Variants in NRXN3 observed in about 807,000 individuals in gnomAD.
The protein encoded by NRXN3 is neurexin III.
Under a neutral mutation model 137.6 loss-of-function variants are expected in NRXN3, and 32 were observed. The ratio of observed to expected loss-of-function variants is 0.23; its 90% CI spans 0.18 to 0.31. NRXN3 has a LOEUF of 0.31. Among genes scored for constraint, NRXN3 ranks in the 10% least tolerant of loss-of-function variants. The probability of loss-of-function intolerance (pLI) is 1.00; values close to 1 mark genes in which losing one functional copy is unlikely to be tolerated. For synonymous variants in NRXN3, 798 were observed against 784.5 expected (o/e 1.02, Z -0.29); for missense variants, 1,574 against 2,062.5 (o/e 0.76, Z 4.59).
Position 78,286,012 on chromosome 14 carries a change from C to T in NRXN3, c.727+7350C>T, listed in dbSNP as rs1567170014. Among the ~76,000 whole-genome samples the T allele has an allele frequency of 3.3e-5, 5 of 152,200 alleles. No homozygotes were observed. The South Asian group carries it at 1.0e-3, about 32-fold the overall frequency. On this transcript the variant is annotated intron_variant, in intron 3 of 20. Coordinates refer to ENST00000335750, the MANE Select transcript of NRXN3 (RefSeq NM_001330195.2). ...TCTCAACCTGCCTCCAGCTTTGGCT[C>T]ACTCAGGGATGCAGATCACTGGGCC... is the stretch of plus-strand genomic sequence containing the variant.
chr14:78,657,046 CAAAAAA>C (rs1174872709), intron 6 of NRXN3, among the ~76,000 whole-genome samples: 5 of 31,054 alleles, frequency 1.6e-4, no homozygotes, highest in African/African-American at 4.4e-4. Context: ...GACTCCGTCT[CAAAAAA>C]AAAAAAAAAA....
intron 17 of NRXN3, among the ~76,000 whole-genome samples, chr14:79,682,953 A>G (rs560809451): frequency 1.3e-5 from 2 of 152,270 alleles, no homozygotes; most frequent in Admixed American, 1.3e-4. Flanking sequence ...TTTCCTTCAG[A>G]CTATGATGAC....
At chr14:78,561,769 G>A (rs1275105456) in intron 4 of NRXN3, among the ~76,000 whole-genome samples, 1 of 152,188 alleles carries the variant, frequency 6.6e-6, no homozygotes, top group African/African-American at 2.4e-5. Context: ...TCTCATCAGT[G>A]TAGAGGCCAG....
intron 15 of NRXN3, among the ~76,000 whole-genome samples, chr14:79,367,134 C>G (rs1014094398): frequency 1.3e-5 from 2 of 152,042 alleles, no homozygotes; most frequent in African/African-American, 4.8e-5. Flanking sequence ...CAGGCGTCCA[C>G]CACCACGCCT....
At chr14:78,797,336 A>T (rs2098825071) in intron 8 of NRXN3, among the ~76,000 whole-genome samples, 1 of 152,226 alleles carries the variant, frequency 6.6e-6, no homozygotes, top group Admixed American at 6.5e-5. Flanking sequence ...GAGAATGCAA[A>T]TAAACAGGAA....
At chr14:79,551,231 T>C (rs1029027816) in intron 16 of NRXN3, among the ~76,000 whole-genome samples, 9 of 152,206 alleles carry the variant, frequency 5.9e-5, no homozygotes, top group Non-Finnish European at 8.8e-5. Flanking sequence ...TTCCTTTCTT[T>C]CCCTCTCATT....
At chr14:79,701,808 T>C (rs1274449118) in intron 19 of NRXN3, among the ~76,000 whole-genome samples, 1 of 152,036 alleles carries the variant, frequency 6.6e-6, no homozygotes, top group Non-Finnish European at 1.5e-5. Context: ...AAGGCTACCA[T>C]ATTATAAAGT....
chr14:78,252,655 G>A (rs2068821485), intron 2 of NRXN3, among the ~76,000 whole-genome samples: 1 of 152,158 alleles, frequency 6.6e-6, no homozygotes. Context: ...ACAGTCCTGT[G>A]GTTGATTGCT....
chr14:78,297,527 G>T (rs12588277), intron 3 of NRXN3, among the ~76,000 whole-genome samples: 1 of 151,944 alleles, frequency 6.6e-6, no homozygotes, highest in Non-Finnish European at 1.5e-5. Flanking sequence ...CTATTGCACA[G>T]AACAACGGTA....
At chr14:79,169,194 C>T (rs2061553634) in intron 15 of NRXN3, among the ~76,000 whole-genome samples, 1 of 152,020 alleles carries the variant, frequency 6.6e-6, no homozygotes, top group African/African-American at 2.4e-5. Flanking sequence ...GATTTTCTGC[C>T]TTTCACAGCC....
chr14:78,284,297 C>T (rs979559909), intron 3 of NRXN3, among the ~76,000 whole-genome samples: 11 of 152,154 alleles, frequency 7.2e-5, no homozygotes, highest in African/African-American at 1.2e-4. Context: ...CTTTCTGTGA[C>T]GTGGAAGCCC....
At chr14:79,109,103 T>C (rs946857537) in intron 15 of NRXN3, among the ~76,000 whole-genome samples, 1 of 152,182 alleles carries the variant, frequency 6.6e-6, no homozygotes, top group African/African-American at 2.4e-5. Context: ...TCAGTGAATG[T>C]TACATTGGTT....
chr14:78,318,489 C>A (rs988368576), intron 4 of NRXN3, among the ~76,000 whole-genome samples: 1 of 152,094 alleles, frequency 6.6e-6, no homozygotes, highest in Non-Finnish European at 1.5e-5. Context: ...TCAGTAAATA[C>A]CTGTTTCTCA....
chr14:78,567,237 T>C (rs759536714), intron 4 of NRXN3, among the ~76,000 whole-genome samples: 9 of 152,196 alleles, frequency 5.9e-5, no homozygotes, highest in Admixed American at 1.3e-4. Context: ...CAGAAAAATA[T>C]GCAAAGCCAG....
intron 15 of NRXN3, among the ~76,000 whole-genome samples, chr14:79,005,664 A>G (rs2099550890): frequency 6.6e-6 from 1 of 152,078 alleles, no homozygotes; most frequent in Admixed American, 6.6e-5. Context: ...CGTGCCCTAA[A>G]CTTTATTGAT....
intron 6 of NRXN3, among the ~76,000 whole-genome samples, chr14:78,665,318 G>A (rs775011477): frequency 1.7e-4 from 26 of 152,114 alleles, no homozygotes; most frequent in Admixed American, 5.9e-4. Context: ...ACTTACCATC[G>A]TGGTGGAAGG....
At chr14:78,991,455 T>C (rs2099518729) in intron 15 of NRXN3, among the ~76,000 whole-genome samples, 2 of 152,224 alleles carry the variant, frequency 1.3e-5, no homozygotes, top group Non-Finnish European at 2.9e-5. Context: ...AGATGAAATT[T>C]AATTGTAAAA....
intron 4 of NRXN3, among the ~76,000 whole-genome samples, chr14:78,547,879 C>T (rs2096651346): frequency 6.6e-6 from 1 of 151,982 alleles, no homozygotes; most frequent in Non-Finnish European, 1.5e-5. Context: ...AAGAAAAATA[C>T]ATTCATGTCA....
At position 79,529,222 on chromosome 14, in the gene NRXN3, C is replaced by A. The variant is rs1387934929; in HGVS notation, c.3444+61820C>A. ...GTGAAAGGGTGGTGATTGATTTGAG[C>A]AAGCAGGCGGTACGTGACAGGGGCT... On this transcript the variant is annotated intron_variant, in intron 16 of 20. Coordinates refer to ENST00000335750, the MANE Select transcript of NRXN3 (RefSeq NM_001330195.2). Among the ~76,000 whole-genome samples, 3 of 152,132 alleles carry A rather than the reference C, an allele frequency of 2.0e-5. No individual in the cohort carries two copies. The East Asian group carries it at 5.8e-4, about 29-fold the overall frequency.
Sources: allele counts gnomAD v4.1 joint callset (sites outside exome capture counted in the v4.1 genomes callset), GRCh38; gene constraint gnomAD v4.1.1; transcripts MANE v1.5; gene names NCBI Gene and HGNC (gene_info 2026-07-23, HGNC 2026-07-21).